NAALADL2: variants seen among roughly 807,000 people sequenced by gnomAD.
NAALADL2 encodes the protein N-acetylated alpha-linked acidic dipeptidase like 2, also known as inactive N-acetylated-alpha-linked acidic dipeptidase-like protein 2.
In NAALADL2, 76 loss-of-function variants were observed where a neutral mutation model predicts 87.2. That is an observed-to-expected ratio of 0.87 (90% confidence interval 0.72 to 1.05). The LOEUF is 1.05. NAALADL2 is among the 50% of genes least tolerant of loss of function. The pLI is 0.00. For synonymous variants in NAALADL2, 354 were observed against 331.0 expected, an observed-to-expected ratio of 1.07 and a Z score of -0.75; for missense variants, 1,089 against 945.8, an observed-to-expected ratio of 1.15 and a Z score of -1.99.
At chr3:174,737,208 C>A (rs1733310146) in intron 2 of NAALADL2, among the ~76,000 whole-genome samples, 1 of 152,214 alleles carries the variant, frequency 6.6e-6, no homozygotes, top group Admixed American at 6.5e-5. Context: ...CTATATTCCC[C>A]AGGCAGGTCT....
At chr3:175,689,199 A>C (rs1582899438) in intron 11 of NAALADL2, among the ~76,000 whole-genome samples, 1 of 152,304 alleles carries the variant, frequency 6.6e-6, no homozygotes, top group Admixed American at 6.5e-5. Context: ...ATAAAAAATT[A>C]ATGCAAGTGT....
At chr3:174,927,294 A>G (rs1356255813) in intron 1 of NAALADL2, among the ~76,000 whole-genome samples, 7 of 152,176 alleles carry the variant, frequency 4.6e-5, no homozygotes, top group African/African-American at 1.7e-4. Flanking sequence ...CATTAGACAG[A>G]TCAACGGGAC....
chr3:175,363,891 T>C (rs1160608466), intron 5 of NAALADL2, among the ~76,000 whole-genome samples: 1 of 148,202 alleles, frequency 6.7e-6, no homozygotes. Context: ...CATATTGAAC[T>C]ATCCTGTGTA....
intron 11 of NAALADL2, among the ~76,000 whole-genome samples, chr3:175,686,099 T>C (rs986806585): frequency 6.6e-6 from 1 of 152,204 alleles, no homozygotes; most frequent in Non-Finnish European, 1.5e-5. Flanking sequence ...AAATGTCTAA[T>C]GGTTCCTCAT....
chr3:174,883,735 C>A (rs1729717221), intron 1 of NAALADL2, among the ~76,000 whole-genome samples: 1 of 152,154 alleles, frequency 6.6e-6, no homozygotes, highest in Non-Finnish European at 1.5e-5. Flanking sequence ...TTCCCTTTGC[C>A]TTCAGCAAGC....
At chr3:175,546,458 C>T (rs1222608914) in intron 9 of NAALADL2, among the ~76,000 whole-genome samples, 2 of 151,862 alleles carry the variant, frequency 1.3e-5, no homozygotes, top group African/African-American at 4.8e-5. Flanking sequence ...ATTTTTCAGA[C>T]TATGTGGTTG....
intron 5 of NAALADL2, among the ~76,000 whole-genome samples, chr3:175,410,025 G>A (rs1713194268): frequency 6.6e-6 from 1 of 152,024 alleles, no homozygotes; most frequent in Non-Finnish European, 1.5e-5. Context: ...AAACATAATT[G>A]TATAAGGATT....
At chr3:175,129,836 C>A (rs1043410686) in intron 2 of NAALADL2, among the ~76,000 whole-genome samples, 25 of 152,108 alleles carry the variant, frequency 1.6e-4, no homozygotes, top group African/African-American at 5.1e-4. Flanking sequence ...AATGTATTCC[C>A]AGAATGAGAA....
chr3:174,915,159 C>T (rs1734205235), intron 1 of NAALADL2, among the ~76,000 whole-genome samples: 2 of 152,018 alleles, frequency 1.3e-5, no homozygotes, highest in African/African-American at 4.8e-5. Context: ...GCTTAGAAAA[C>T]ATTTTTCATG....
At chr3:175,286,778 A>G (rs1233614705) in intron 4 of NAALADL2, among the ~76,000 whole-genome samples, 2 of 152,126 alleles carry the variant, frequency 1.3e-5, no homozygotes, top group Non-Finnish European at 2.9e-5. Flanking sequence ...CATTTATTGC[A>G]TGTAAAATTA....
At chr3:174,743,618 C>A (rs1733967202) in intron 3 of NAALADL2, among the ~76,000 whole-genome samples, 1 of 151,758 alleles carries the variant, frequency 6.6e-6, no homozygotes, top group Non-Finnish European at 1.5e-5. Flanking sequence ...TTTAGAGAAA[C>A]AGCATATAAT....
chr3:174,750,582 C>A (rs750638683), intron 3 of NAALADL2, among the ~76,000 whole-genome samples: 1 of 151,914 alleles, frequency 6.6e-6, no homozygotes. Context: ...TAAAGGTGTG[C>A]GCCACCATAC....
chr3:175,465,473 C>CTTTTT lies in NAALADL2; in HGVS notation c.1328-1491_1328-1487dup, dbSNP rs71164634. 4.6e-3 allele frequency among the ~76,000 whole-genome samples: 495 copies of CTTTTT among 106,720 alleles called. 23 individuals carry two copies. Among genetic ancestry groups the CTTTTT allele is most frequent in the African/African-American group, 0.016 (432 of 26,434 alleles). The allele number at this position is 106,720 out of a possible 152,430, so 70.0% of individuals were successfully genotyped here. On this transcript the variant is annotated intron_variant, in intron 7 of 13. Coordinates refer to ENST00000454872, the MANE Select transcript of NAALADL2 (RefSeq NM_207015.3). ...ACACTATGTATACCATGAATTAAAT[C>CTTTTT]TTTTTTTTTTTTTTTTTTTGAGATG...
intron 1 of NAALADL2, among the ~76,000 whole-genome samples, chr3:174,469,394 A>G (rs1489140701): frequency 1.3e-5 from 2 of 150,478 alleles, no homozygotes; most frequent in Non-Finnish European, 3.0e-5. Context: ...AATAACTGGG[A>G]CTACAGGCGT....
chr3:175,437,274 A>G (rs1229174490), intron 5 of NAALADL2, among the ~76,000 whole-genome samples: 2 of 146,060 alleles, frequency 1.4e-5, no homozygotes, highest in South Asian at 2.2e-4. Context: ...AAATCAATGT[A>G]CAAAAATCAC....
intron 5 of NAALADL2, among the ~76,000 whole-genome samples, chr3:175,377,927 A>C (rs952613720): frequency 2.6e-5 from 4 of 151,716 alleles, no homozygotes; most frequent in Admixed American, 2.6e-4. Flanking sequence ...AGCCACTTTC[A>C]TTGGCAATAA....
intron 3 of NAALADL2, among the ~76,000 whole-genome samples, chr3:174,752,750 A>C (rs1158878786): frequency 6.6e-6 from 1 of 152,092 alleles, no homozygotes; most frequent in African/African-American, 2.4e-5. Flanking sequence ...AATACTTGAG[A>C]ATAGTAATTT....
At chr3:175,570,102 C>T (rs1582443886) in intron 9 of NAALADL2, among the ~76,000 whole-genome samples, 2 of 152,058 alleles carry the variant, frequency 1.3e-5, no homozygotes, top group African/African-American at 4.8e-5. Flanking sequence ...AGTCCAAAAG[C>T]CAACAGGCTT....
At chr3:175,763,297 A>G (rs917191823) in intron 13 of NAALADL2, among the ~76,000 whole-genome samples, 1 of 152,090 alleles carries the variant, frequency 6.6e-6, no homozygotes, top group Non-Finnish European at 1.5e-5. Flanking sequence ...CATTTAAACT[A>G]CATTTTAGAT....
Sources: allele counts gnomAD v4.1 joint callset (sites outside exome capture counted in the v4.1 genomes callset), GRCh38; gene constraint gnomAD v4.1.1; transcripts MANE v1.5; gene names NCBI Gene and HGNC (gene_info 2026-07-23, HGNC 2026-07-21).